Variants in ZFPM2 observed in about 807,000 individuals in gnomAD.
The protein encoded by ZFPM2 is zinc finger protein, FOG family member 2, also known as zinc finger protein ZFPM2.
A neutral mutation model predicts 98.6 loss-of-function variants in ZFPM2; 20 were observed. The ratio of observed to expected loss-of-function variants is 0.20; its 90% CI spans 0.14 to 0.29. The LOEUF (loss-of-function observed/expected upper bound fraction) is 0.29. Among genes scored for constraint, ZFPM2 ranks in the 10% least tolerant of loss-of-function variants. The pLI is 1.00. For missense variants in ZFPM2, 1,310 were observed against 1,388.6 expected, an observed-to-expected ratio of 0.94 and a Z score of 0.90; for synonymous variants, 518 against 502.7, an observed-to-expected ratio of 1.03 and a Z score of -0.41.
At chr8:105,667,151 G>A (rs1488970065) in intron 5 of ZFPM2, among the ~76,000 whole-genome samples, 1 of 152,082 alleles carries the variant, frequency 6.6e-6, no homozygotes, top group African/African-American at 2.4e-5. Context: ...TCGCTTCAAG[G>A]AAAACAATTG....
intron 4 of ZFPM2, among the ~76,000 whole-genome samples, chr8:105,617,771 C>T (rs1418952031): frequency 6.6e-6 from 1 of 152,116 alleles, no homozygotes; most frequent in Non-Finnish European, 1.5e-5. Context: ...TGAATCTCAT[C>T]ATGAATTCTA....
intron 1 of ZFPM2, among the ~76,000 whole-genome samples, chr8:105,323,006 T>C (rs1812056214): frequency 6.6e-6 from 1 of 151,636 alleles, no homozygotes; most frequent in Admixed American, 6.6e-5. Flanking sequence ...AAAATAAGAA[T>C]ATTATATATT....
chr8:105,661,917 A>G (rs1817396943), intron 5 of ZFPM2, among the ~76,000 whole-genome samples: 1 of 152,026 alleles, frequency 6.6e-6, no homozygotes, highest in South Asian at 2.1e-4. Context: ...GGTGATGTCT[A>G]GGTTTTTAAT....
intron 5 of ZFPM2, among the ~76,000 whole-genome samples, chr8:105,691,175 T>TAG (rs1810869739): frequency 6.6e-6 from 1 of 151,690 alleles, no homozygotes; most frequent in South Asian, 2.1e-4. Context: ...ACTGTTCACA[T>TAG]AGTTGCTTCT....
intron 1 of ZFPM2, among the ~76,000 whole-genome samples, chr8:105,329,670 A>G (rs1432178571): frequency 1.3e-5 from 2 of 151,838 alleles, no homozygotes; most frequent in South Asian, 2.1e-4. Flanking sequence ...TCGTAAATTA[A>G]TCTAGAGTTA....
In ZFPM2 at chr8:105,802,607, G is replaced by A. The variant is rs768561041; in HGVS notation, c.2525G>A (p.Arg842Gln). The change falls in exon 8 of 8, where the codon CGG (arginine) becomes CAG (glutamine). Residue 842 changes from arginine (R) to glutamine (Q), a missense_variant. Physicochemically the swap from Arg to Gln is conservative, Grantham distance 43. Transcript: ENST00000407775. ...LSKKCLSQSE[R>Q]TTTSPKRLLD... ...AAAAAGTGTTTATCTCAGTCTGAGC[G>A]GACGACCACGTCTCCCAAAAGGCTG... 25 of 1,610,132 alleles carry A rather than the reference G, an allele frequency of 1.6e-5. No individual in the cohort carries two copies. The highest frequency in any genetic ancestry group is 3.3e-5 in the South Asian group (3 of 90,346).
In ZFPM2 at chr8:105,561,350, C is replaced by G. The variant is rs3735953; in HGVS notation, c.302-13C>G. The G allele has an allele frequency of 2.5e-6, 4 of 1,607,696 alleles. No individual in the cohort carries two copies. In the East Asian group the frequency reaches 8.9e-5, roughly 36 times the overall value. On this transcript the variant is annotated splice_polypyrimidine_tract_variant and intron_variant, in intron 3 of 7. Coordinates refer to ENST00000407775, the MANE Select transcript of ZFPM2 (RefSeq NM_012082.4). ...AGTAAGTATTCTAAACACTTCTGTT[C>G]CTTTGTCTGCAGGAGAGCTGGAGGT...
chr8:105,521,093 T>A (rs1166219823), intron 3 of ZFPM2, among the ~76,000 whole-genome samples: 6 of 151,480 alleles, frequency 4.0e-5, no homozygotes, highest in African/African-American at 1.5e-4. Flanking sequence ...TCTTGCTGTC[T>A]GAAATCCTGT....
intron 3 of ZFPM2, among the ~76,000 whole-genome samples, chr8:105,526,548 A>T (rs1330596092): frequency 6.6e-6 from 1 of 152,132 alleles, no homozygotes; most frequent in African/African-American, 2.4e-5. Flanking sequence ...GATTTTTTAA[A>T]TTTTATATTT....
chr8:105,390,077 A>G (rs193194831), intron 1 of ZFPM2, among the ~76,000 whole-genome samples: 88 of 152,292 alleles, frequency 5.8e-4, no homozygotes, highest in African/African-American at 2.1e-3. Flanking sequence ...TTTATCTGGT[A>G]GCCTAAAGTA....
At chr8:105,418,660 C>A in intron 1 of ZFPM2, 2 of 512,404 alleles carry the variant, frequency 3.9e-6, no homozygotes, top group South Asian at 2.9e-5. Flanking sequence ...TCTCAGAATC[C>A]ACTCTTAAGA....
chr8:105,785,716 C>CA (rs112651441), intron 5 of ZFPM2, among the ~76,000 whole-genome samples: 13,917 of 151,834 alleles, frequency 0.092, 2,104 homozygotes, highest in African/African-American at 0.31. Flanking sequence ...CCAGCCTGGG[C>CA]AACATAGTGA....
chr8:105,427,727 G>C (rs1811943128), intron 2 of ZFPM2, among the ~76,000 whole-genome samples: 1 of 152,136 alleles, frequency 6.6e-6, no homozygotes, highest in Non-Finnish European at 1.5e-5. Flanking sequence ...ACTTTTTGTT[G>C]TCCTTAAAAG....
At chr8:105,535,578 T>C (rs2130607244) in intron 3 of ZFPM2, among the ~76,000 whole-genome samples, 1 of 152,276 alleles carries the variant, frequency 6.6e-6, no homozygotes, top group South Asian at 2.1e-4. Context: ...AAAATAATCC[T>C]TTGCTTTGAT....
At chr8:105,525,630 A>G (rs1327847345) in intron 3 of ZFPM2, among the ~76,000 whole-genome samples, 2 of 152,192 alleles carry the variant, frequency 1.3e-5, no homozygotes, top group Non-Finnish European at 2.9e-5. Context: ...GTTAGGTGAT[A>G]TGATTTCCAT....
intron 3 of ZFPM2, among the ~76,000 whole-genome samples, chr8:105,504,769 A>T (rs1292548058): frequency 6.6e-6 from 1 of 152,172 alleles, no homozygotes; most frequent in African/African-American, 2.4e-5. Flanking sequence ...GCTTATGTTA[A>T]CATGCCTTGT....
chr8:105,466,715 T>C (rs1812802248), intron 3 of ZFPM2, among the ~76,000 whole-genome samples: 1 of 152,092 alleles, frequency 6.6e-6, no homozygotes, highest in African/African-American at 2.4e-5. Flanking sequence ...TTCTACCCCA[T>C]GTAGCAGTAC....
chr8:105,644,569 C>G (rs1302116691), intron 5 of ZFPM2, among the ~76,000 whole-genome samples: 4 of 152,068 alleles, frequency 2.6e-5, no homozygotes, highest in Non-Finnish European at 5.9e-5. Context: ...TTCTCTCTTT[C>G]TCTCCCTGTT....
At chr8:105,774,438 T>C (rs1345550806) in intron 5 of ZFPM2, among the ~76,000 whole-genome samples, 1 of 152,160 alleles carries the variant, frequency 6.6e-6, no homozygotes, top group Non-Finnish European at 1.5e-5. Context: ...ACGTATCCCG[T>C]GGTCTCCATC....
Sources: allele counts gnomAD v4.1 joint callset (sites outside exome capture counted in the v4.1 genomes callset), GRCh38; gene constraint gnomAD v4.1.1; transcripts MANE v1.5; gene names NCBI Gene and HGNC (gene_info 2026-07-23, HGNC 2026-07-21).